The following DOCK7 variants were observed in gnomAD, a reference collection of about 807,000 sequenced individuals.
DOCK7 encodes dedicator of cytokinesis 7.
DOCK7 carries 138 observed loss-of-function variants against 271.0 expected under a neutral mutation model. The observed-to-expected ratio is 0.51, with a 90% CI of 0.44 to 0.59. The LOEUF (loss-of-function observed/expected upper bound fraction) is 0.59. Among genes scored for constraint, DOCK7 ranks in the 20% least tolerant of loss-of-function variants. DOCK7 has a pLI of 0.00. For missense variants in DOCK7, 2,066 were observed against 2,592.4 expected (o/e 0.80, Z 4.41); for synonymous variants, 823 against 876.1 (o/e 0.94, Z 1.07).
intron 11 of DOCK7, 91 bp downstream of exon 11, chr1:62,631,149 C>T (rs1407224192): frequency 2.5e-6 from 3 of 1,180,090 alleles, no homozygotes; most frequent in Admixed American, 2.8e-5. Flanking sequence ...CGTGCCACTG[C>T]CCTCCAGCCT....
intron 4 of DOCK7, among the ~76,000 whole-genome samples, chr1:62,650,088 A>C (rs1265073117): frequency 6.6e-6 from 1 of 152,196 alleles, no homozygotes; most frequent in Admixed American, 6.5e-5. Context: ...AAATAACTAA[A>C]TAGAAACCAA....
chr1:62,651,298 G>A (rs1395382805), intron 4 of DOCK7, among the ~76,000 whole-genome samples: 2 of 127,754 alleles, frequency 1.6e-5, no homozygotes, highest in Middle Eastern at 3.6e-3. Context: ...CCTGTTGTGG[G>A]GTGGGGGGAG....
At chr1:62,476,484 G>T (rs1645971392) in intron 44 of DOCK7, among the ~76,000 whole-genome samples, 2 of 152,092 alleles carry the variant, frequency 1.3e-5, no homozygotes, top group Non-Finnish European at 2.9e-5. Flanking sequence ...AAAGACAAAA[G>T]AAACTCATTA....
At chr1:62,500,450 T>C (rs187741547) in intron 37 of DOCK7, among the ~76,000 whole-genome samples, 2 of 152,212 alleles carry the variant, frequency 1.3e-5, no homozygotes, top group Admixed American at 1.3e-4. Context: ...TTCCAACATA[T>C]GTATAATGAA....
intron 37 of DOCK7, among the ~76,000 whole-genome samples, chr1:62,503,516 C>T (rs371234192): frequency 6.6e-5 from 10 of 151,676 alleles, no homozygotes; most frequent in African/African-American, 1.7e-4. Context: ...TAGCTCACTG[C>T]GACCTCACAC....
At chr1:62,627,640 ATAT>A (rs1278399143) in intron 11 of DOCK7, 3 of 152,182 alleles carry the variant, frequency 2.0e-5, no homozygotes, top group African/African-American at 7.2e-5. Context: ...TCCATTTAAA[ATAT>A]TATCAAGAAA....
chr1:62,663,673 T>G (rs1213605444), intron 1 of DOCK7, among the ~76,000 whole-genome samples: 1 of 152,212 alleles, frequency 6.6e-6, no homozygotes, highest in East Asian at 1.9e-4. Flanking sequence ...GTATCTAGAT[T>G]TAAGATATAA....
rs779081017 is a variant in DOCK7, at chr1:62,513,891, C to A, written c.3944G>T (p.Arg1315Met). The A allele has an allele frequency of 6.2e-7, 1 of 1,611,252 alleles. No individual in the cohort carries two copies. The highest frequency in any genetic ancestry group is 8.5e-7 in the Non-Finnish European group (1 of 1,179,070). ...TTCTGCTGAAAAGGTAGTGTGTTGCCTGCCACTCTGAAAATAAAGAGCAGT... is the reference window on the plus strand; with the variant it reads ...TTCTGCTGAAAAGGTAGTGTGTTGCATGCCACTCTGAAAATAAAGAGCAGT... ...GSFLLTSTSG[R>M]QHTTFSAESS... The change falls in exon 32 of 50, where the codon AGG (arginine) becomes ATG (methionine). Residue 1315 changes from arginine to methionine, a missense_variant. By Grantham distance (91) the Arg-to-Met change is moderately conservative (BLOSUM62 -1). This residue lies in a region of DOCK7 where 1,414 missense variants were observed against 1,670.4 expected (regional missense o/e 0.85). Coordinates refer to ENST00000635253, the MANE Select transcript of DOCK7 (RefSeq NM_001367561.1).
rs200800169 is a variant in DOCK7, at chr1:62,557,081, T to A, written c.2432-1092A>T. Among the ~76,000 whole-genome samples, 7 of 114,890 alleles carry A rather than the reference T, an allele frequency of 6.1e-5. No homozygotes were observed. The East Asian group carries it at 1.8e-3, about 29-fold the overall frequency. 75.4% of individuals were successfully genotyped at this position (114,890 alleles called of 152,430 possible). A position where few individuals can be genotyped will look rare whatever the true frequency, so the allele number is the denominator to read the frequency against. On this transcript the variant is annotated intron_variant, in intron 20 of 49. Transcript: ENST00000635253. ...TTTTCTTTTCTTTTTTTTTTTTTTT[T>A]AAGAGATGGGGTCTTGCTATGTTGA... is the stretch of plus-strand genomic sequence containing the variant.
At position 62,586,565 on chromosome 1, in the gene DOCK7, C is replaced by G; in HGVS notation, c.1742G>C (p.Arg581Thr). 6.2e-7 allele frequency: 1 copy of G among 1,613,074 alleles called. No homozygotes were observed. The highest frequency in any genetic ancestry group is 8.5e-7 in the Non-Finnish European group (1 of 1,179,352). ...LNFANRQGSA[R>T]NITVKVQFMY... ...AAACTGGACTTTCACTGTTATATTT[C>G]TAGCAGAACCTTGACGATTGGCAAA... is the stretch of plus-strand genomic sequence containing the variant. Residue 581 changes from arginine to threonine, a missense_variant, in exon 15 of 50, where the codon AGA (arginine) becomes ACA (threonine). By Grantham distance (71) the Arg-to-Thr change is moderately conservative. This residue lies in a region of DOCK7 where 1,414 missense variants were observed against 1,670.4 expected (regional missense o/e 0.85). Coordinates refer to ENST00000635253, the MANE Select transcript of DOCK7 (RefSeq NM_001367561.1).
chr1:62,616,631 G>A (rs1652472822), intron 14 of DOCK7, among the ~76,000 whole-genome samples: 1 of 151,734 alleles, frequency 6.6e-6, no homozygotes, highest in South Asian at 2.1e-4. Context: ...TGTCAGTAGA[G>A]AAGTGGAGAC....
intron 36 of DOCK7, 149 bp from the exon 37 acceptor site, chr1:62,504,931 GAC>G (rs1215907002): frequency 4.0e-6 from 4 of 1,003,118 alleles, no homozygotes; most frequent in African/African-American, 3.3e-5. Flanking sequence ...AATAGTGTGA[GAC>G]ACAGAGTCAA....
intron 22 of DOCK7, 137 bp downstream of exon 22, chr1:62,552,595 A>T: frequency 1.2e-6 from 1 of 805,304 alleles, no homozygotes; most frequent in Non-Finnish European, 1.8e-6. Context: ...GTTTACTGAT[A>T]GAACAGAAAT....
At chr1:62,616,718 T>C (rs746863708) in intron 14 of DOCK7, among the ~76,000 whole-genome samples, 18 of 151,750 alleles carry the variant, frequency 1.2e-4, no homozygotes, top group Non-Finnish European at 1.9e-4. Context: ...AATTATATTC[T>C]ATAAAGCACT....
At chr1:62,464,152 T>C (rs1364169413) in intron 48 of DOCK7, among the ~76,000 whole-genome samples, 3 of 152,060 alleles carry the variant, frequency 2.0e-5, no homozygotes, top group Non-Finnish European at 4.4e-5. Flanking sequence ...GTTTGCCTCC[T>C]GGGTCCAAGG....
intron 16 of DOCK7, among the ~76,000 whole-genome samples, chr1:62,580,320 A>T (rs1054457934): frequency 1.3e-5 from 2 of 152,218 alleles, no homozygotes; most frequent in African/African-American, 4.8e-5. Context: ...TTCAGTGAAA[A>T]AAAATAAGAC....
In DOCK7 at chr1:62,654,112, G is replaced by A; in HGVS notation, c.192C>T (p.Leu64=). The A allele has an allele frequency of 6.2e-7, 1 of 1,613,968 alleles. No individual in the cohort carries two copies. Among genetic ancestry groups the A allele is most frequent in the Non-Finnish European group, 8.5e-7 (1 of 1,179,924 alleles). Residue 64 remains leucine (L), a synonymous_variant, in exon 3 of 50, where the codon CTC becomes CTT. Transcript: ENST00000635253. ...AVDPVDLEDY[L]ITHPLAVDSG... is the part of the protein sequence containing the mutation. ...AATCCACAGCCAAAGGATGAGTAAT[G>A]AGGTAATCTTCCAAATCCACTGGAT... is the stretch of plus-strand genomic sequence containing the variant.
chr1:62,612,544 TAAAATTAAAAAA>T (rs1412622206), intron 14 of DOCK7, among the ~76,000 whole-genome samples: 1 of 152,026 alleles, frequency 6.6e-6, no homozygotes, highest in Non-Finnish European at 1.5e-5. Context: ...TAAAGTAAAA[TAAAATTAAAAAA>T]AAAATTAATC....
At chr1:62,607,992 G>A (rs1284900869) in intron 14 of DOCK7, 1 of 152,216 alleles carries the variant, frequency 6.6e-6, no homozygotes, top group Non-Finnish European at 1.5e-5. Context: ...TGAGGCAGGA[G>A]AATCGCTGGA....
Sources: gnomAD v4.1 joint callset for allele counts (sites outside exome capture counted in the v4.1 genomes callset) on GRCh38, gnomAD v4.1.1 for gene constraint, gnomAD v4.1.1 regional missense constraint, MANE v1.5 for transcripts, NCBI Gene and HGNC (gene_info 2026-07-23, HGNC 2026-07-21) for gene names.